KCNN2: variants seen among roughly 807,000 people sequenced by gnomAD.
The protein encoded by KCNN2 is potassium calcium-activated channel subfamily N member 2.
A neutral mutation model predicts 55.5 loss-of-function variants in KCNN2; 24 were observed. The ratio of observed to expected loss-of-function variants is 0.43; its 90% confidence interval spans 0.31 to 0.61. KCNN2 has a LOEUF of 0.61. KCNN2 is among the 20% of genes least tolerant of loss of function. KCNN2 has a pLI of 0.08. For missense variants in KCNN2, 754 were observed against 853.6 expected, an observed-to-expected ratio of 0.88 and a Z score of 1.45; for synonymous variants, 431 against 336.1, an observed-to-expected ratio of 1.28 and a Z score of -3.09.
chr5:114,377,398 A>G (rs1052000040), intron 2 of KCNN2, among the ~76,000 whole-genome samples: 3 of 152,344 alleles, frequency 2.0e-5, no homozygotes, highest in Non-Finnish European at 2.9e-5. Context: ...AAAAATAAGC[A>G]TAAGCGTAAC....
chr5:114,231,559 A>C lies in KCNN2; in HGVS notation c.-185+9994A>C, dbSNP rs887323556. On this transcript the variant is annotated intron_variant, in intron 2 of 10. Transcript: ENST00000512097. The stretch of plus-strand genomic sequence containing the variant: ...GGGAAAAATTTTGTTCTTTGATTTT[A>C]AGTGTGTTTACATGATGGTAGATGA... 4.0e-5 allele frequency among the ~76,000 whole-genome samples: 6 copies of C among 151,138 alleles called. 1 individual carries two copies. Among genetic ancestry groups the C allele is most frequent in the African/African-American group, 1.5e-4 (6 of 40,456 alleles).
chr5:114,193,515 C>A (rs1753491419), intron 1 of KCNN2, among the ~76,000 whole-genome samples: 2 of 152,090 alleles, frequency 1.3e-5, no homozygotes, highest in South Asian at 4.1e-4. Flanking sequence ...TTAGTTAGTG[C>A]TATTCAGATT....
chr5:114,252,231 T>A (rs1370950965), intron 2 of KCNN2, among the ~76,000 whole-genome samples: 4 of 150,222 alleles, frequency 2.7e-5, no homozygotes, highest in Admixed American at 1.3e-4. Flanking sequence ...TTAACCTTTA[T>A]ATCTTTCTGC....
At chr5:114,095,658 C>T (rs568581230) in intron 1 of KCNN2, among the ~76,000 whole-genome samples, 2 of 152,270 alleles carry the variant, frequency 1.3e-5, no homozygotes, top group Admixed American at 6.5e-5. Flanking sequence ...TTCTTATTTG[C>T]ATTTTCTACC....
In KCNN2 at chr5:114,372,180, G is replaced by A. The variant is rs147965292; in HGVS notation, c.1218+8179G>A. On this transcript the variant is annotated intron_variant, in intron 2 of 7. Transcript: ENST00000673685. ...TGGTGCTAGATTCTGTTCCAGAAACGTGGTCGATATTGGTGGTTCTTACTT... is the reference window on the plus strand; with the variant it reads ...TGGTGCTAGATTCTGTTCCAGAAACATGGTCGATATTGGTGGTTCTTACTT... Among the ~76,000 whole-genome samples, 342 of 152,278 alleles carry A rather than the reference G, an allele frequency of 2.2e-3. 2 individuals carry two copies. The East Asian group carries it at 0.023, about 10-fold the overall frequency.
At chr5:114,139,523 A>T (rs925344901) in intron 1 of KCNN2, among the ~76,000 whole-genome samples, 1 of 151,120 alleles carries the variant, frequency 6.6e-6, no homozygotes, top group African/African-American at 2.4e-5. Context: ...ATTTCTTAAA[A>T]CACAGCCTCC....
chr5:114,405,278 T>C (rs1758897544), intron 3 of KCNN2, among the ~76,000 whole-genome samples: 1 of 152,208 alleles, frequency 6.6e-6, no homozygotes, highest in Non-Finnish European at 1.5e-5. Flanking sequence ...AGGGAATATC[T>C]TAAAGCGGTT....
At chr5:114,231,580 G>C (rs1754359300) in intron 2 of KCNN2, among the ~76,000 whole-genome samples, 1 of 151,140 alleles carries the variant, frequency 6.6e-6, no homozygotes, top group Admixed American at 6.6e-5. Flanking sequence ...CATGATGGTA[G>C]ATGATACTGT....
At chr5:114,376,638 C>G (rs1270610197) in intron 2 of KCNN2, among the ~76,000 whole-genome samples, 2 of 152,198 alleles carry the variant, frequency 1.3e-5, no homozygotes, top group Non-Finnish European at 2.9e-5. Context: ...TTTCCTCTCT[C>G]CTCTTTTGTG....
chr5:114,214,567 G>A (rs1285246684), intron 1 of KCNN2, among the ~76,000 whole-genome samples: 1 of 152,066 alleles, frequency 6.6e-6, no homozygotes, highest in Non-Finnish European at 1.5e-5. Context: ...AAAGGTAAGG[G>A]TAGATTCTAG....
At chr5:114,185,313 C>T (rs1319013853) in intron 1 of KCNN2, among the ~76,000 whole-genome samples, 1 of 152,216 alleles carries the variant, frequency 6.6e-6, no homozygotes, top group Non-Finnish European at 1.5e-5. Flanking sequence ...TAAGAATATA[C>T]CCATCCTTAC....
chr5:114,380,924 T>A (rs1758103263), intron 2 of KCNN2, among the ~76,000 whole-genome samples: 1 of 152,146 alleles, frequency 6.6e-6, no homozygotes, highest in Admixed American at 6.5e-5. Context: ...TGCTGGACAT[T>A]CTCAGGGCTG....
At chr5:114,427,565 C>T (rs185362762) in intron 3 of KCNN2, among the ~76,000 whole-genome samples, 2 of 152,334 alleles carry the variant, frequency 1.3e-5, no homozygotes, top group East Asian at 3.9e-4. Context: ...AGAATTTGTA[C>T]TCTGGAGCAG....
chr5:114,392,442 C>G (rs78003125), intron 2 of KCNN2, among the ~76,000 whole-genome samples: 1,769 of 152,196 alleles, frequency 0.012, 41 homozygotes, highest in African/African-American at 0.04. Context: ...CATTCCTCCT[C>G]CTGGGTGGCC....
intron 1 of KCNN2, among the ~76,000 whole-genome samples, chr5:114,124,557 C>T (rs1751893208): frequency 6.6e-6 from 1 of 152,142 alleles, no homozygotes; most frequent in Non-Finnish European, 1.5e-5. Flanking sequence ...AAGCTCTCAC[C>T]TCTGTTAACT....
At chr5:114,103,684 G>A (rs1188238502) in intron 1 of KCNN2, among the ~76,000 whole-genome samples, 1 of 152,002 alleles carries the variant, frequency 6.6e-6, no homozygotes, top group Non-Finnish European at 1.5e-5. Context: ...TGAGATAATT[G>A]TGTGGTGTTT....
intron 2 of KCNN2, among the ~76,000 whole-genome samples, chr5:114,263,630 A>C (rs955818153): frequency 1.3e-5 from 2 of 152,094 alleles, no homozygotes; most frequent in African/African-American, 4.8e-5. Flanking sequence ...CAACAAGGTA[A>C]CTCTATTTCT....
intron 1 of KCNN2, among the ~76,000 whole-genome samples, chr5:114,158,635 G>C (rs909155464): frequency 2.0e-5 from 3 of 151,748 alleles, no homozygotes; most frequent in African/African-American, 7.3e-5. Flanking sequence ...CTACCCATGA[G>C]CATGGAATGT....
At position 114,464,014 on chromosome 5, in the gene KCNN2, A is replaced by C. The variant is rs540344342; in HGVS notation, c.1779+824A>C. 3.3e-5 allele frequency among the ~76,000 whole-genome samples: 5 copies of C among 152,268 alleles called. No individual in the cohort carries two copies. In the South Asian group the frequency reaches 1.0e-3, roughly 32 times the overall value. On this transcript the variant is annotated intron_variant, in intron 4 of 7. Coordinates refer to ENST00000673685, the MANE Select transcript of KCNN2 (RefSeq NM_021614.4). ...GAGCAAAAGGGGAGAGCGGCCTGGC[A>C]TGAGGCAGGGACAGGAGGCCACGTC...
Sources: allele counts gnomAD v4.1 joint callset (sites outside exome capture counted in the v4.1 genomes callset), GRCh38; gene constraint gnomAD v4.1.1; transcripts MANE v1.5; gene names NCBI Gene and HGNC (gene_info 2026-07-23, HGNC 2026-07-21).